Variants in C16orf78 observed in about 807,000 individuals in gnomAD.
C16orf78 encodes chromosome 16 open reading frame 78.
A neutral mutation model predicts 27.3 loss-of-function variants in C16orf78; 19 were observed. The ratio of observed to expected loss-of-function variants is 0.70; its 90% CI spans 0.49 to 1.02. The LOEUF (loss-of-function observed/expected upper bound fraction) is 1.02. Ranked by LOEUF, C16orf78 falls within the 50% of genes least tolerant of loss-of-function variation. The pLI, the probability that C16orf78 is intolerant of heterozygous loss-of-function variation, is 0.00. For missense variants in C16orf78, 339 were observed against 337.0 expected (o/e 1.01, Z -0.05); for synonymous variants, 130 against 116.1 (o/e 1.12, Z -0.77).
intron 2 of C16orf78, 142 bp downstream of exon 2, chr16:49,377,992 A>G (rs192652728): frequency 2.2e-5 from 27 of 1,206,630 alleles, no homozygotes; most frequent in African/African-American, 1.1e-4. Context: ...TTAACACTCA[A>G]ATAAAATCTC....
At chr16:49,388,606 TGCTCAA>T (rs1450956246) in intron 3 of C16orf78, among the ~76,000 whole-genome samples, 1 of 152,056 alleles carries the variant, frequency 6.6e-6, no homozygotes, top group Non-Finnish European at 1.5e-5. Flanking sequence ...CGACCTCCCA[TGCTCAA>T]GCAATCCTCC....
Position 49,378,575 on chromosome 16 carries a change from G to T in C16orf78, c.376G>T (p.Asp126Tyr). 1 of 1,613,928 alleles carries T rather than the reference G, an allele frequency of 6.2e-7. No individual in the cohort carries two copies. The highest frequency in any genetic ancestry group is 8.5e-7 in the Non-Finnish European group (1 of 1,179,944). The change falls in exon 3 of 5, where the codon GAT becomes TAT. Residue 126 changes from aspartate to tyrosine, a missense_variant. Physicochemically the swap from Asp to Tyr is radical, Grantham distance 160 (BLOSUM62 -3). Transcript: ENST00000299191. ...CATGGTCCCTGGCAGCTACATCAAG[G>T]ATGGCCCCAAGAAATCTGGTAAGGG... ...LSMVPGSYIK[D>Y]GPKKSDTDIK... is the part of the protein sequence containing the mutation.
Position 49,378,499 on chromosome 16 carries a change from C to G in C16orf78, c.300C>G (p.Ala100=), listed in dbSNP as rs758124337. ...TAGGAAAGAGATTCAGGAAGGACGC[C>G]GCCTCCTACCGAAGCCTCTATGGAG... is the stretch of plus-strand genomic sequence containing the variant. ...QALGKRFRKD[A]ASYRSLYGVE... is the part of the protein sequence containing the mutation. Residue 100 remains alanine (A), a synonymous_variant, in exon 3 of 5, where the codon GCC becomes GCG. Coordinates refer to ENST00000299191, the MANE Select transcript of C16orf78 (RefSeq NM_144602.4). The G allele has an allele frequency of 1.2e-6, 2 of 1,601,088 alleles. No homozygotes were observed. The highest frequency in any genetic ancestry group is 2.2e-5 in the East Asian group (1 of 44,602).
intron 3 of C16orf78, 115 bp from the exon 4 acceptor site, chr16:49,396,308 A>C: frequency 2.4e-6 from 3 of 1,229,732 alleles, no homozygotes; most frequent in Non-Finnish European, 3.4e-6. Context: ...CTCATATCTC[A>C]GAACAGGTAC....
rs1310511626 is a variant in C16orf78 at position 49,399,041 on chromosome 16, A to G, written c.651-90A>G. The G allele has an allele frequency of 5.7e-6, 8 of 1,399,674 alleles. No homozygotes were observed. In the East Asian group the frequency reaches 1.8e-4, roughly 32 times the overall value. The allele number at this position is 1,399,674 out of a possible 1,614,324, so 86.7% of individuals were successfully genotyped here. On this transcript the variant is annotated intron_variant, in intron 4 of 4. Transcript: ENST00000299191. ...AGCCCCTTGCAGAGCACCCACACTT[A>G]CTGCTGCTCAAATCTAAGCTCTTTT... is the stretch of plus-strand genomic sequence containing the variant.
At chr16:49,374,703 T>A (rs1965193371) in intron 1 of C16orf78, among the ~76,000 whole-genome samples, 1 of 152,230 alleles carries the variant, frequency 6.6e-6, no homozygotes, top group Non-Finnish European at 1.5e-5. Flanking sequence ...CATTCCTCAC[T>A]GCCATTACTG....
chr16:49,391,928 A>C (rs907374005), intron 3 of C16orf78, among the ~76,000 whole-genome samples: 3 of 152,148 alleles, frequency 2.0e-5, no homozygotes, highest in African/African-American at 7.2e-5. Context: ...TGCTGAGGCC[A>C]CCTGACCTTA....
intron 2 of C16orf78, 124 bp from the exon 3 acceptor site, chr16:49,378,346 T>G (rs2151610766): frequency 7.2e-7 from 1 of 1,397,558 alleles, no homozygotes; most frequent in South Asian, 1.5e-5. Flanking sequence ...GGGGAAGCTC[T>G]CTCCTTGGTT....
At chr16:49,399,106 A>C in intron 4 of C16orf78, 25 bp from the exon 5 acceptor site, 1 of 1,611,098 alleles carries the variant, frequency 6.2e-7, no homozygotes, top group Non-Finnish European at 8.5e-7. Context: ...CCTTCAACTG[A>C]CCTCTTTTGC....
At position 49,377,863 on chromosome 16, in the gene C16orf78, C is replaced by T; in HGVS notation, c.270+13C>T. ...GACTTCCCAGCAGGTAATGCAGCCCCTCTTCCCCCACTCACCCCCACTGGG... is the reference window on the plus strand; with the variant it reads ...GACTTCCCAGCAGGTAATGCAGCCCTTCTTCCCCCACTCACCCCCACTGGG... On this transcript the variant is annotated intron_variant, in intron 2 of 4. Transcript: ENST00000299191. 1 of 1,560,972 alleles carries T rather than the reference C, an allele frequency of 6.4e-7. No individual in the cohort carries two copies. The highest frequency in any genetic ancestry group is 1.2e-5 in the South Asian group (1 of 84,800).
intron 2 of C16orf78, among the ~76,000 whole-genome samples, chr16:49,378,167 C>T (rs1285029296): frequency 6.6e-6 from 1 of 152,222 alleles, no homozygotes; most frequent in African/African-American, 2.4e-5. Context: ...ACAAGAGCCT[C>T]CTGGCCACAC....
chr16:49,389,960 A>G (rs1473745941), intron 3 of C16orf78, among the ~76,000 whole-genome samples: 1 of 152,142 alleles, frequency 6.6e-6, no homozygotes, highest in Non-Finnish European at 1.5e-5. Flanking sequence ...TAATAAATTC[A>G]TATAGCTTTT....
intron 3 of C16orf78, among the ~76,000 whole-genome samples, chr16:49,380,812 A>G (rs1439598983): frequency 6.6e-6 from 1 of 152,002 alleles, no homozygotes; most frequent in African/African-American, 2.4e-5. Flanking sequence ...TTTTTGTATA[A>G]GGTGTAAGGA....
chr16:49,398,707 G>T (rs1261572436), intron 4 of C16orf78, among the ~76,000 whole-genome samples: 1 of 152,134 alleles, frequency 6.6e-6, no homozygotes, highest in Non-Finnish European at 1.5e-5. Flanking sequence ...TTTTAATTAA[G>T]ATCCTTGACA....
chr16:49,380,714 A>G (rs374637711), intron 3 of C16orf78, among the ~76,000 whole-genome samples: 1 of 152,216 alleles, frequency 6.6e-6, no homozygotes, highest in South Asian at 2.1e-4. Flanking sequence ...GCCCATGCCT[A>G]TGTCCTGAAT....
chr16:49,396,776 T>C, intron 4 of C16orf78, 98 bp downstream of exon 4: 5 of 1,450,144 alleles, frequency 3.4e-6, no homozygotes, highest in Admixed American at 2.3e-5. Context: ...AGCCTGAAGA[T>C]CTAGGAGTAG....
chr16:49,375,395 C>A (rs1053487278), intron 1 of C16orf78, among the ~76,000 whole-genome samples: 11 of 152,156 alleles, frequency 7.2e-5, no homozygotes, highest in African/African-American at 2.7e-4. Context: ...GGAGATTCCA[C>A]TTCTGGGGAG....
chr16:49,384,887 T>G (rs768124960), intron 3 of C16orf78, among the ~76,000 whole-genome samples: 4 of 152,168 alleles, frequency 2.6e-5, no homozygotes, highest in Non-Finnish European at 5.9e-5. Flanking sequence ...GAAAATGGAA[T>G]GAATATTTAA....
At position 49,377,926 on chromosome 16, in the gene C16orf78, A is replaced by G. The variant is rs187257448; in HGVS notation, c.270+76A>G. 22 of 1,503,524 alleles carry G rather than the reference A, an allele frequency of 1.5e-5. No individual in the cohort carries two copies. In the Admixed American group the frequency reaches 5.2e-4, roughly 35 times the overall value. 93.1% of individuals were successfully genotyped at this position (1,503,524 alleles called of 1,614,324 possible). A position where few individuals can be genotyped will look rare whatever the true frequency, so the allele number is the denominator to read the frequency against. On this transcript the variant is annotated intron_variant, in intron 2 of 4. Transcript: ENST00000299191. ...GGAGGGGTCCCTGCTTCTCTCCTGC[A>G]TAATGCCTGCCTACTTTCTAAATTT...
Sources: allele counts gnomAD v4.1 joint callset (sites outside exome capture counted in the v4.1 genomes callset), GRCh38; gene constraint gnomAD v4.1.1; transcripts MANE v1.5; gene names NCBI Gene and HGNC (gene_info 2026-07-23, HGNC 2026-07-21).